The following FNDC3A variants were observed in gnomAD, a reference collection of about 807,000 sequenced individuals.
FNDC3A encodes the protein fibronectin type-III domain-containing protein 3A.
In FNDC3A, 32 loss-of-function variants were observed where a neutral mutation model predicts 148.9. The observed-to-expected ratio is 0.21, with a 90% CI of 0.16 to 0.29. FNDC3A has a LOEUF of 0.29. Among genes scored for constraint, FNDC3A ranks in the 10% least tolerant of loss-of-function variants. FNDC3A has a pLI of 1.00. For missense variants in FNDC3A, 1,191 were observed against 1,452.8 expected (o/e 0.82, Z 2.93); for synonymous variants, 472 against 473.6 (o/e 1.00, Z 0.04).
chr13:49,049,638 G>A (rs1234736847), intron 2 of FNDC3A, among the ~76,000 whole-genome samples: 2 of 152,128 alleles, frequency 1.3e-5, no homozygotes, highest in African/African-American at 4.8e-5. Flanking sequence ...TTGTATGTCT[G>A]TGGTATCAGT....
At chr13:49,068,412 A>G (rs1877415910) in intron 2 of FNDC3A, among the ~76,000 whole-genome samples, 2 of 152,172 alleles carry the variant, frequency 1.3e-5, no homozygotes, top group South Asian at 2.1e-4. Flanking sequence ...CAGTTGTTGG[A>G]TCACAAAGGA....
Position 49,137,109 on chromosome 13 carries a change from G to C in FNDC3A, c.760+508G>C, listed in dbSNP as rs184001069. ...CTCAAAGTGCTGCAATTATAGGCCT[G>C]AGCCACTGTCCCCAACCTATCAAAA... On this transcript the variant is annotated intron_variant, in intron 6 of 25. Transcript: ENST00000492622. 1.7e-4 allele frequency among the ~76,000 whole-genome samples: 26 copies of C among 152,146 alleles called. No individual in the cohort carries two copies. The East Asian group carries it at 4.1e-3, about 24-fold the overall frequency.
At chr13:49,026,394 T>C (rs1228959616) in intron 2 of FNDC3A, among the ~76,000 whole-genome samples, 1 of 152,232 alleles carries the variant, frequency 6.6e-6, no homozygotes, top group Non-Finnish European at 1.5e-5. Flanking sequence ...AAGTAAAGGA[T>C]ACAATACTGT....
chr13:49,164,225 G>A (rs1884327843), intron 8 of FNDC3A, among the ~76,000 whole-genome samples: 1 of 152,088 alleles, frequency 6.6e-6, no homozygotes, highest in South Asian at 2.1e-4. Flanking sequence ...ATTCCCTGCT[G>A]GTTTGTAAGT....
intron 2 of FNDC3A, among the ~76,000 whole-genome samples, chr13:49,038,974 A>G (rs1874714193): frequency 6.6e-6 from 1 of 152,202 alleles, no homozygotes; most frequent in African/African-American, 2.4e-5. Context: ...GGACCTGAAT[A>G]CATATACAGT....
intron 3 of FNDC3A, among the ~76,000 whole-genome samples, chr13:49,111,813 G>T (rs535320807): frequency 9.3e-5 from 14 of 150,984 alleles, no homozygotes; most frequent in Non-Finnish European, 1.6e-4. Context: ...GGATTACTTC[G>T]TAAAGAAGTA....
chr13:48,997,347 A>G (rs780429709), intron 1 of FNDC3A, among the ~76,000 whole-genome samples: 8 of 152,238 alleles, frequency 5.3e-5, no homozygotes, highest in Non-Finnish European at 4.4e-5. Context: ...GAAAACTAGC[A>G]GAATACATGT....
In FNDC3A at chr13:49,006,201, A is replaced by G; in HGVS notation, c.11A>G (p.His4Arg). 1 of 1,597,532 alleles carries G rather than the reference A, an allele frequency of 6.3e-7. No individual in the cohort carries two copies. Among genetic ancestry groups the G allele is most frequent in the Non-Finnish European group, 8.6e-7 (1 of 1,167,120 alleles). ...AATGTCTTATTGATAATGGCAGAAC[A>G]TCCACCACTACTGGATACAACTCAG... The part of the protein sequence containing the change: MAE[H>R]PPLLDTTQIL... Residue 4 changes from histidine (H) to arginine (R), a missense_variant, in exon 2 of 26, where the codon CAT (histidine) becomes CGT (arginine). Coordinates refer to ENST00000492622, the MANE Select transcript of FNDC3A (RefSeq NM_001079673.2).
intron 2 of FNDC3A, among the ~76,000 whole-genome samples, chr13:49,065,164 G>T (rs535510464): frequency 7.1e-4 from 108 of 152,240 alleles, no homozygotes; most frequent in African/African-American, 2.5e-3. Flanking sequence ...ACTTAAAGAC[G>T]TATAGAGTCA....
At chr13:49,101,794 G>GTTTT (rs570292116) in intron 3 of FNDC3A, among the ~76,000 whole-genome samples, 5 of 103,368 alleles carry the variant, frequency 4.8e-5, no homozygotes, top group South Asian at 3.4e-4. Context: ...ACCTGCTTTA[G>GTTTT]TTTTTTTTTT....
chr13:49,008,844 A>T (rs1463756385), intron 2 of FNDC3A, among the ~76,000 whole-genome samples: 2 of 152,184 alleles, frequency 1.3e-5, no homozygotes, highest in Non-Finnish European at 2.9e-5. Context: ...ATTAAAATAG[A>T]TTTTATTTTT....
intron 7 of FNDC3A, among the ~76,000 whole-genome samples, chr13:49,143,978 T>TTACTACTACTAC (rs71188348): frequency 3.6e-3 from 502 of 138,908 alleles, no homozygotes; most frequent in South Asian, 0.011. Flanking sequence ...GACCCCATCT[T>TTACTACTACTAC]TACTACTACT....
At chr13:48,993,034 A>G (rs1951950466) in intron 1 of FNDC3A, among the ~76,000 whole-genome samples, 1 of 152,208 alleles carries the variant, frequency 6.6e-6, no homozygotes, top group Non-Finnish European at 1.5e-5. Flanking sequence ...TATTGATTTG[A>G]CCATAATATC....
intron 2 of FNDC3A, among the ~76,000 whole-genome samples, chr13:49,049,771 G>A (rs1407134039): frequency 6.6e-6 from 1 of 151,874 alleles, no homozygotes; most frequent in Non-Finnish European, 1.5e-5. Flanking sequence ...TCAGGTTGGA[G>A]TGCAGTGGCG....
At chr13:48,983,245 T>C (rs1951728042) in intron 1 of FNDC3A, among the ~76,000 whole-genome samples, 2 of 152,360 alleles carry the variant, frequency 1.3e-5, no homozygotes, top group South Asian at 4.1e-4. Flanking sequence ...CCTTCCTGTC[T>C]TTTAATATTT....
rs780209849 is a variant in FNDC3A, at chr13:49,188,648, T to C, written c.1944+15T>C. On this transcript the variant is annotated intron_variant, in intron 17 of 25. Transcript: ENST00000492622. Reference sequence around the variant, plus strand: ...GACAGAGTGCGGTAATACTTATATGTAGATTCTTTTGTGTTGTTATTAAGT... The same window carrying C: ...GACAGAGTGCGGTAATACTTATATGCAGATTCTTTTGTGTTGTTATTAAGT... 1 of 1,534,084 alleles carries C rather than the reference T, an allele frequency of 6.5e-7. No homozygotes were observed. The highest frequency in any genetic ancestry group is 9.0e-7 in the Non-Finnish European group (1 of 1,108,376).
intron 2 of FNDC3A, among the ~76,000 whole-genome samples, chr13:49,060,636 T>G (rs1876605306): frequency 1.1e-5 from 1 of 93,942 alleles, no homozygotes; most frequent in African/African-American, 4.4e-5. Flanking sequence ...AGAACGAGAC[T>G]CGGTCTCAAA....
intron 13 of FNDC3A, among the ~76,000 whole-genome samples, chr13:49,176,515 G>T (rs1447414221): frequency 6.6e-6 from 1 of 152,138 alleles, no homozygotes; most frequent in Non-Finnish European, 1.5e-5. Flanking sequence ...ATAGCATTAG[G>T]AGAAATACCT....
At chr13:49,021,217 A>G (rs181491722) in intron 2 of FNDC3A, among the ~76,000 whole-genome samples, 1 of 152,364 alleles carries the variant, frequency 6.6e-6, no homozygotes, top group East Asian at 1.9e-4. Flanking sequence ...CAAAGCCCCT[A>G]TATGAACATC....
Sources: allele counts gnomAD v4.1 joint callset (sites outside exome capture counted in the v4.1 genomes callset), GRCh38; gene constraint gnomAD v4.1.1; transcripts MANE v1.5; gene names NCBI Gene and HGNC (gene_info 2026-07-23, HGNC 2026-07-21).